The following SLCO5A1 variants were observed in gnomAD, a reference collection of about 807,000 sequenced individuals.
SLCO5A1 encodes solute carrier organic anion transporter family member 5A1.
A neutral mutation model predicts 65.1 loss-of-function variants in SLCO5A1; 39 were observed. The observed-to-expected ratio is 0.60, with a 90% CI of 0.46 to 0.78. SLCO5A1 has a LOEUF of 0.78. Among genes scored for constraint, SLCO5A1 ranks in the 30% least tolerant of loss-of-function variants. SLCO5A1 has a pLI of 0.00. For synonymous variants in SLCO5A1, 438 were observed against 415.7 expected (o/e 1.05, Z -0.65); for missense variants, 1,029 against 1,069.4 (o/e 0.96, Z 0.53).
chr8:69,728,839 C>T (rs17668213), intron 5 of SLCO5A1, among the ~76,000 whole-genome samples: 1,752 of 152,140 alleles, frequency 0.012, 29 homozygotes, highest in Middle Eastern at 0.037. Context: ...GAAGTGCAAA[C>T]ATCAGTATAA....
At chr8:69,726,514 T>TTTTG (rs146065041) in intron 5 of SLCO5A1, among the ~76,000 whole-genome samples, 6 of 137,396 alleles carry the variant, frequency 4.4e-5, no homozygotes, top group Admixed American at 7.2e-5. Context: ...TTTTTTTTTT[T>TTTTG]GGGGGGACAG....
chr8:69,714,813 A>G lies in SLCO5A1; in HGVS notation c.1424-9584T>C, dbSNP rs1001759836. On this transcript the variant is annotated intron_variant, in intron 5 of 9. Transcript: ENST00000260126. ...TAGGCCAGACGGATCTCATTCACTC[A>G]TAATAACACTTTCTTCAACTCTTTA... 7 of 152,350 alleles carry G rather than the reference A, an allele frequency of 4.6e-5. No individual in the cohort carries two copies. The South Asian group carries it at 1.5e-3, about 32-fold the overall frequency. 9.4% of individuals were successfully genotyped at this position (152,350 alleles called of 1,614,324 possible). A position where few individuals can be genotyped will look rare whatever the true frequency, so the allele number is the denominator to read the frequency against.
chr8:69,713,272 T>C (rs1815352518), intron 5 of SLCO5A1: 1 of 152,236 alleles, frequency 6.6e-6, no homozygotes, highest in Admixed American at 6.5e-5. Context: ...TTTCTTAAGT[T>C]CTGTTGAAAA....
intron 9 of SLCO5A1, among the ~76,000 whole-genome samples, chr8:69,674,772 G>A (rs1204679137): frequency 6.7e-6 from 1 of 150,282 alleles, no homozygotes; most frequent in Non-Finnish European, 1.5e-5. Flanking sequence ...TGTAATCCCA[G>A]AACTTTGGGA....
chr8:69,774,197 G>C lies in SLCO5A1; in HGVS notation c.908-12322C>G, dbSNP rs367618461. On this transcript the variant is annotated intron_variant, in intron 2 of 9. Coordinates refer to ENST00000260126, the MANE Select transcript of SLCO5A1 (RefSeq NM_030958.3). ...GGGTAAAATAACAGAAGCAGCTGCA[G>C]CTTCGTCCTTACATCAGAGCCTTGA... is the stretch of plus-strand genomic sequence containing the variant. Among the ~76,000 whole-genome samples, 15 of 152,332 alleles carry C rather than the reference G, an allele frequency of 9.8e-5. No individual in the cohort carries two copies. In the East Asian group the frequency reaches 1.9e-3, roughly 20 times the overall value.
intron 4 of SLCO5A1, among the ~76,000 whole-genome samples, chr8:69,746,816 G>C (rs887278817): frequency 6.6e-6 from 1 of 152,112 alleles, no homozygotes; most frequent in Non-Finnish European, 1.5e-5. Flanking sequence ...GCCAGCCAGC[G>C]AGAGACTGCC....
intron 6 of SLCO5A1, among the ~76,000 whole-genome samples, chr8:69,690,397 A>C (rs1191011765): frequency 2.0e-5 from 3 of 152,220 alleles, no homozygotes; most frequent in African/African-American, 7.2e-5. Flanking sequence ...AATGGTGCTA[A>C]AATATTTAAA....
chr8:69,784,906 GAA>G (rs372379444), intron 2 of SLCO5A1, among the ~76,000 whole-genome samples: 1 of 65,370 alleles, frequency 1.5e-5, no homozygotes, highest in African/African-American at 8.9e-5. Flanking sequence ...AAGAAAGAAA[GAA>G]AGAAAGAAAG....
At chr8:69,803,961 T>A (rs1819872280) in intron 2 of SLCO5A1, among the ~76,000 whole-genome samples, 1 of 152,030 alleles carries the variant, frequency 6.6e-6, no homozygotes, top group Non-Finnish European at 1.5e-5. Context: ...AAATAAAGTT[T>A]GAGTTCCACA....
intron 2 of SLCO5A1, among the ~76,000 whole-genome samples, chr8:69,810,627 A>T (rs16936449): frequency 0.043 from 6,535 of 152,282 alleles, 175 homozygotes; most frequent in Middle Eastern, 0.075. Flanking sequence ...TAGAAAAATC[A>T]ATTAATGAGG....
At chr8:69,695,566 T>C (rs1259067771) in intron 6 of SLCO5A1, among the ~76,000 whole-genome samples, 3 of 152,110 alleles carry the variant, frequency 2.0e-5, no homozygotes, top group Non-Finnish European at 2.9e-5. Context: ...CTTTTTTTTT[T>C]TAACCCTTCC....
At chr8:69,692,986 G>A (rs1028427028) in intron 6 of SLCO5A1, among the ~76,000 whole-genome samples, 1 of 152,196 alleles carries the variant, frequency 6.6e-6, no homozygotes, top group African/African-American at 2.4e-5. Flanking sequence ...TACATGTGCT[G>A]TACTATTGAA....
At chr8:69,759,133 A>ATTCC (rs201658059) in intron 3 of SLCO5A1, among the ~76,000 whole-genome samples, 3,124 of 152,244 alleles carry the variant, frequency 0.021, 58 homozygotes, top group Non-Finnish European at 0.026. Flanking sequence ...AGCATTATTC[A>ATTCC]TTCCTTCCTT....
chr8:69,790,085 C>T lies in SLCO5A1; in HGVS notation c.908-28210G>A, dbSNP rs188890923. 1.7e-4 allele frequency among the ~76,000 whole-genome samples: 26 copies of T among 149,944 alleles called. 1 individual carries two copies. The highest frequency in any genetic ancestry group is 1.4e-3 in the Admixed American group (21 of 14,892). ...GTGGATGCCTGCAATCCCAGCTACTCGGGAGGCTGAGGCAGAAGAATCACT... is the reference window on the plus strand; with the variant it reads ...GTGGATGCCTGCAATCCCAGCTACTTGGGAGGCTGAGGCAGAAGAATCACT... On this transcript the variant is annotated intron_variant, in intron 2 of 9. Coordinates refer to ENST00000260126, the MANE Select transcript of SLCO5A1 (RefSeq NM_030958.3).
intron 6 of SLCO5A1, among the ~76,000 whole-genome samples, chr8:69,701,406 C>A (rs998741332): frequency 6.6e-6 from 1 of 152,174 alleles, no homozygotes; most frequent in Non-Finnish European, 1.5e-5. Flanking sequence ...GGGAGTCTGG[C>A]ATGACTCATT....
At chr8:69,784,069 G>C (rs1287281586) in intron 2 of SLCO5A1, among the ~76,000 whole-genome samples, 1 of 152,078 alleles carries the variant, frequency 6.6e-6, no homozygotes, top group Non-Finnish European at 1.5e-5. Context: ...TAAAAAATAA[G>C]ATCTTTTTTT....
chr8:69,830,098 C>G (rs908871965), intron 2 of SLCO5A1, among the ~76,000 whole-genome samples: 1 of 152,174 alleles, frequency 6.6e-6, no homozygotes, highest in African/African-American at 2.4e-5. Context: ...AAGGAAATTT[C>G]TTTCTCTTGC....
chr8:69,758,873 A>G (rs185711713), intron 3 of SLCO5A1, among the ~76,000 whole-genome samples: 13 of 152,324 alleles, frequency 8.5e-5, no homozygotes, highest in African/African-American at 3.1e-4. Flanking sequence ...CTCAGAGACC[A>G]TTCACTAAGG....
intron 2 of SLCO5A1, among the ~76,000 whole-genome samples, chr8:69,768,155 T>C (rs1047278839): frequency 2.6e-5 from 4 of 151,968 alleles, no homozygotes; most frequent in Non-Finnish European, 4.4e-5. Context: ...ATCACCTGAG[T>C]TTGGGAGGTC....
Sources: allele counts gnomAD v4.1 joint callset (sites outside exome capture counted in the v4.1 genomes callset), GRCh38; gene constraint gnomAD v4.1.1; transcripts MANE v1.5; gene names NCBI Gene and HGNC (gene_info 2026-07-23, HGNC 2026-07-21).